The following CREB3L2 variants were observed in gnomAD, a reference collection of about 807,000 sequenced individuals.
CREB3L2 encodes cyclic AMP-responsive element-binding protein 3-like protein 2.
In CREB3L2, 23 loss-of-function variants were observed where a neutral mutation model predicts 57.2. The observed-to-expected ratio is 0.40, with a 90% CI of 0.29 to 0.57. The LOEUF (loss-of-function observed/expected upper bound fraction) is 0.57. CREB3L2 is among the 20% of genes least tolerant of loss of function. CREB3L2 has a pLI of 0.42. For missense variants in CREB3L2, 628 were observed against 634.7 expected (o/e 0.99, Z 0.11); for synonymous variants, 268 against 265.1 (o/e 1.01, Z -0.11).
intron 4 of CREB3L2, among the ~76,000 whole-genome samples, chr7:137,911,746 G>C (rs10279567): frequency 0.039 from 5,893 of 152,280 alleles, 199 homozygotes; most frequent in African/African-American, 0.096. Flanking sequence ...GCTGAGGTGG[G>C]AGAATCGCTT....
intron 1 of CREB3L2, among the ~76,000 whole-genome samples, chr7:137,998,843 C>T (rs1802031587): frequency 1.3e-5 from 2 of 152,146 alleles, no homozygotes; most frequent in African/African-American, 4.8e-5. Context: ...AGCATCAAAC[C>T]AAGTGTGGAC....
chr7:137,942,349 C>T (rs755431304), intron 1 of CREB3L2, among the ~76,000 whole-genome samples: 3 of 152,174 alleles, frequency 2.0e-5, no homozygotes, highest in Non-Finnish European at 4.4e-5. Flanking sequence ...CCTCTAAATC[C>T]TTCTGCCCTC....
chr7:137,896,352 A>G (rs1399192166), intron 8 of CREB3L2, among the ~76,000 whole-genome samples: 5 of 152,244 alleles, frequency 3.3e-5, no homozygotes, highest in Middle Eastern at 3.4e-3. Flanking sequence ...CCCAGGTTAG[A>G]GTGCAATGGC....
intron 1 of CREB3L2, chr7:137,933,806 T>A (rs1019400829): frequency 1.3e-5 from 2 of 152,264 alleles, no homozygotes; most frequent in African/African-American, 2.4e-5. Context: ...CAGCTGGGTG[T>A]CCTTGGCAGT....
intron 2 of CREB3L2, 92 bp from the exon 3 acceptor site, chr7:137,916,104 G>T: frequency 3.1e-6 from 3 of 955,278 alleles, no homozygotes; most frequent in South Asian, 1.8e-5. Flanking sequence ...CCCCAAAAAA[G>T]CTCAGTGAAG....
intron 8 of CREB3L2, among the ~76,000 whole-genome samples, chr7:137,890,888 C>T (rs1450744638): frequency 6.6e-6 from 1 of 152,238 alleles, no homozygotes; most frequent in Non-Finnish European, 1.5e-5. Context: ...TTTTAAACTA[C>T]AGCTATAAAA....
chr7:137,956,777 A>C, intron 1 of CREB3L2: 1 of 486,388 alleles, frequency 2.1e-6, no homozygotes, highest in Non-Finnish European at 3.7e-6. Context: ...ATAAGGCCCC[A>C]CCTAAAAGAG....
chr7:137,904,051 T>A, intron 6 of CREB3L2, 34 bp from the exon 7 acceptor site: 3 of 1,564,792 alleles, frequency 1.9e-6, no homozygotes, highest in Non-Finnish European at 2.6e-6. Flanking sequence ...AATGATTAAT[T>A]TCCAGCTCTG....
At chr7:137,988,029 T>G (rs953453230) in intron 1 of CREB3L2, among the ~76,000 whole-genome samples, 3 of 152,240 alleles carry the variant, frequency 2.0e-5, no homozygotes, top group Non-Finnish European at 4.4e-5. Flanking sequence ...AAGAGCCTGC[T>G]CTGCTCTGGG....
intron 2 of CREB3L2, 33 bp downstream of exon 2, chr7:137,928,117 A>G (rs1324437525): frequency 2.0e-6 from 3 of 1,513,236 alleles, no homozygotes; most frequent in Non-Finnish European, 2.7e-6. Flanking sequence ...CAAAGGCGCT[A>G]AGGTCCAGGT....
At chr7:137,922,398 A>ATATATACG (rs1554498012) in intron 2 of CREB3L2, among the ~76,000 whole-genome samples, 3 of 18,830 alleles carry the variant, frequency 1.6e-4, no homozygotes, top group Non-Finnish European at 2.8e-4. Flanking sequence ...ATATATATAT[A>ATATATACG]TATATATATA....
chr7:137,968,945 A>G (rs1270859160), intron 1 of CREB3L2, among the ~76,000 whole-genome samples: 1 of 152,210 alleles, frequency 6.6e-6, no homozygotes, highest in Non-Finnish European at 1.5e-5. Context: ...TGAGGAAGAA[A>G]GAAACGAAGG....
intron 1 of CREB3L2, among the ~76,000 whole-genome samples, chr7:137,963,853 T>G (rs1420688037): frequency 6.6e-6 from 1 of 152,250 alleles, no homozygotes; most frequent in Admixed American, 6.5e-5. Context: ...TTAAACAACT[T>G]ATTTTGTTCA....
chr7:137,914,238 A>G (rs1800077818), intron 3 of CREB3L2, among the ~76,000 whole-genome samples: 1 of 152,004 alleles, frequency 6.6e-6, no homozygotes, highest in African/African-American at 2.4e-5. Flanking sequence ...GACTGATGGT[A>G]TCTAATCACG....
At chr7:137,885,375 C>A in intron 9 of CREB3L2, 28 bp downstream of exon 9, 1 of 1,587,164 alleles carries the variant, frequency 6.3e-7, no homozygotes, top group Non-Finnish European at 8.6e-7. Flanking sequence ...CAGGGGCGGT[C>A]ACTGTGCTAC....
chr7:137,987,590 G>A (rs1185016251), intron 1 of CREB3L2, among the ~76,000 whole-genome samples: 2 of 152,226 alleles, frequency 1.3e-5, no homozygotes, highest in Admixed American at 6.5e-5. Context: ...GATGCTGATG[G>A]TGGGACAGGT....
At chr7:137,897,585 T>A (rs998642152) in intron 8 of CREB3L2, among the ~76,000 whole-genome samples, 1 of 152,066 alleles carries the variant, frequency 6.6e-6, no homozygotes, top group Non-Finnish European at 1.5e-5. Context: ...GGTCAGGTGA[T>A]CTCTGACCAA....
chr7:137,928,357 C>G lies in CREB3L2; in HGVS notation c.112G>C (p.Glu38Gln), dbSNP rs1227834641. 6.2e-7 allele frequency: 1 copy of G among 1,613,682 alleles called. No individual in the cohort carries two copies. Residue 38 changes from glutamate (E) to glutamine (Q), a missense_variant, in exon 2 of 12, where the codon GAA (glutamate) becomes CAA (glutamine). Glu to Gln is a conservative substitution (Grantham distance 29). This residue lies in a region of CREB3L2 where 339 missense variants were observed against 355.4 expected (regional missense o/e 0.95). Transcript: ENST00000330387. ...TTCTGGGAAAACTCATCCAGAAGTT[C>G]TGAGAAGTGCTACAAGAAACAAAGG... Reference protein sequence around the residue: ...EALMYHTHFSELLDEFSQNVL... With the variant: ...EALMYHTHFSQLLDEFSQNVL...
intron 2 of CREB3L2, among the ~76,000 whole-genome samples, chr7:137,916,754 G>A (rs1267485047): frequency 2.0e-5 from 3 of 151,678 alleles, no homozygotes; most frequent in Non-Finnish European, 4.4e-5. Flanking sequence ...GAGGGGGAGG[G>A]GGAGCGAGAG....
Sources: gnomAD v4.1 joint callset for allele counts (sites outside exome capture counted in the v4.1 genomes callset) on GRCh38, gnomAD v4.1.1 for gene constraint, gnomAD v4.1.1 regional missense constraint, MANE v1.5 for transcripts, NCBI Gene and HGNC (gene_info 2026-07-23, HGNC 2026-07-21) for gene names.